The following PUM3 variants were observed in gnomAD, a reference collection of about 807,000 sequenced individuals.
The protein encoded by PUM3 is pumilio RNA binding family member 3.
PUM3 carries 91 observed loss-of-function variants against 84.0 expected under a neutral mutation model. The ratio of observed to expected loss-of-function variants is 1.08; its 90% CI spans 0.91 to 1.29. PUM3 has a LOEUF of 1.29. PUM3 is among the 50% of genes most tolerant of loss of function. The pLI, the probability that PUM3 is intolerant of heterozygous loss-of-function variation, is 0.00. For synonymous variants in PUM3, 321 were observed against 266.7 expected (o/e 1.20, Z -1.98); for missense variants, 1,067 against 767.5 (o/e 1.39, Z -4.61).
chr9:2,842,757 T>G (rs1313803536), intron 1 of PUM3, among the ~76,000 whole-genome samples: 1 of 152,188 alleles, frequency 6.6e-6, no homozygotes, highest in Non-Finnish European at 1.5e-5. Flanking sequence ...CCTCTAATTA[T>G]GTGTCTAACA....
At chr9:2,812,079 CA>C in intron 14 of PUM3, 140 bp downstream of exon 14, 1 of 763,272 alleles carries the variant, frequency 1.3e-6, no homozygotes, top group Non-Finnish European at 2.2e-6. Context: ...TAGAATCTGT[CA>C]AAAATATAGG....
intron 1 of PUM3, among the ~76,000 whole-genome samples, chr9:2,840,201 G>A (rs1816233829): frequency 6.6e-6 from 1 of 152,174 alleles, no homozygotes; most frequent in Non-Finnish European, 1.5e-5. Context: ...TGTTAACCGT[G>A]TTCACTTGGT....
intron 7 of PUM3, among the ~76,000 whole-genome samples, 164 bp downstream of exon 7, chr9:2,830,798 T>C (rs541717144): frequency 5.3e-5 from 8 of 152,316 alleles, no homozygotes; most frequent in South Asian, 2.1e-4. Flanking sequence ...ATTTCGATAA[T>C]TGTATTTAAG....
rs563094261 is a variant in PUM3 at position 2,831,294 on chromosome 9, A to C, written c.567T>G (p.Tyr189Ter). 3.1e-6 allele frequency: 5 copies of C among 1,610,936 alleles called. No homozygotes were observed. In the African/African-American group the frequency reaches 5.3e-5, roughly 17 times the overall value. The change falls in exon 6 of 18, where the codon TAT (tyrosine) becomes TAG (stop). Residue 189 changes from tyrosine to a stop codon, truncating the protein, a stop_gained. Coordinates refer to ENST00000397885, the MANE Select transcript of PUM3 (RefSeq NM_014878.5). LOFTEE classifies it high-confidence loss of function. ...STRVIQCYIQYGNEEQRKQAF... is the reference protein window; with the variant it reads ...STRVIQCYIQ ...CCTGTTTTCTCTGTTCTTCATTACC[A>C]TACTGAATGTAACACTGGATCACAC...
chr9:2,827,670 C>T (rs1242075475), intron 9 of PUM3, among the ~76,000 whole-genome samples: 1 of 152,174 alleles, frequency 6.6e-6, no homozygotes, highest in Non-Finnish European at 1.5e-5. Context: ...TCCAGGTGTA[C>T]AGTGGAGGCC....
chr9:2,839,741 G>A (rs1816218334), intron 1 of PUM3, among the ~76,000 whole-genome samples: 1 of 152,168 alleles, frequency 6.6e-6, no homozygotes, highest in Admixed American at 6.5e-5. Flanking sequence ...ACTTGGCTAT[G>A]GCCATCATAA....
intron 12 of PUM3, among the ~76,000 whole-genome samples, chr9:2,821,227 G>A (rs1333764234): frequency 4.6e-5 from 7 of 151,982 alleles, no homozygotes; most frequent in African/African-American, 7.2e-5. Flanking sequence ...GGTGGATCAC[G>A]AGGTCAGGAG....
chr9:2,836,572 A>G (rs937190253), intron 3 of PUM3, among the ~76,000 whole-genome samples: 2 of 152,186 alleles, frequency 1.3e-5, no homozygotes, highest in African/African-American at 4.8e-5. Context: ...ATCAATTAAA[A>G]TCAAATCTGT....
At chr9:2,809,378 C>A (rs1444580977) in intron 16 of PUM3, among the ~76,000 whole-genome samples, 1 of 152,190 alleles carries the variant, frequency 6.6e-6, no homozygotes, top group Admixed American at 6.5e-5. Flanking sequence ...ATAAACTCAA[C>A]TATACATCAA....
chr9:2,828,567 T>G (rs966746590), intron 9 of PUM3, 108 bp downstream of exon 9: 1 of 680,436 alleles, frequency 1.5e-6, no homozygotes, highest in Non-Finnish European at 2.6e-6. Context: ...TTAGAATAGA[T>G]TAATACTTGT....
At chr9:2,804,620 G>C (rs1297229872) in intron 17 of PUM3, among the ~76,000 whole-genome samples, 157 bp from the exon 18 acceptor site, 1 of 152,160 alleles carries the variant, frequency 6.6e-6, no homozygotes, top group African/African-American at 2.4e-5. Flanking sequence ...GAGACCAGTA[G>C]CCCATATTAT....
chr9:2,823,158 A>G (rs1302538212), intron 12 of PUM3, among the ~76,000 whole-genome samples: 2 of 152,074 alleles, frequency 1.3e-5, no homozygotes, highest in Non-Finnish European at 2.9e-5. Flanking sequence ...CCATAGCAAC[A>G]GCATGAAAAA....
chr9:2,819,118 G>A (rs1168537589), intron 13 of PUM3, among the ~76,000 whole-genome samples: 6 of 152,160 alleles, frequency 3.9e-5, no homozygotes, highest in Admixed American at 2.0e-4. Flanking sequence ...TTTTCCAGAC[G>A]TTTCCAAGTT....
chr9:2,837,697 T>C (rs1028264923), intron 2 of PUM3, among the ~76,000 whole-genome samples: 4 of 152,174 alleles, frequency 2.6e-5, no homozygotes, highest in Non-Finnish European at 5.9e-5. Flanking sequence ...TTCTCTAGTT[T>C]TAAGCATATA....
chr9:2,823,918 T>C lies in PUM3; in HGVS notation c.1135-84A>G. ...GTTAAACATTTTAATATAATATTTATTAAGTTTTCATTTGAGTGGCATATG... is the reference window on the plus strand; with the variant it reads ...GTTAAACATTTTAATATAATATTTACTAAGTTTTCATTTGAGTGGCATATG... On this transcript the variant is annotated intron_variant, in intron 11 of 17. Transcript: ENST00000397885. 2.9e-6 allele frequency: 2 copies of C among 679,118 alleles called. 1 individual carries two copies. The allele number at this position is 679,118 out of a possible 1,614,324, so 42.1% of individuals were successfully genotyped here.
At chr9:2,843,033 C>CAAT (rs1201000649) in intron 1 of PUM3, among the ~76,000 whole-genome samples, 2 of 152,202 alleles carry the variant, frequency 1.3e-5, no homozygotes, top group African/African-American at 4.8e-5. Flanking sequence ...ATTACCAATA[C>CAAT]AATCTCTTGA....
chr9:2,827,909 T>G (rs996794774), intron 9 of PUM3, among the ~76,000 whole-genome samples: 2 of 152,158 alleles, frequency 1.3e-5, no homozygotes, highest in African/African-American at 4.8e-5. Flanking sequence ...TAGTAATAGT[T>G]GGGGGAGTGG....
chr9:2,807,454 T>C (rs1189314243), intron 17 of PUM3, among the ~76,000 whole-genome samples: 1 of 150,462 alleles, frequency 6.6e-6, no homozygotes, highest in Non-Finnish European at 1.5e-5. Context: ...AAAATAAAAA[T>C]TAGTTGGGTG....
At chr9:2,808,345 C>T (rs1821302349) in intron 16 of PUM3, among the ~76,000 whole-genome samples, 1 of 152,190 alleles carries the variant, frequency 6.6e-6, no homozygotes, top group South Asian at 2.1e-4. Context: ...ACAGTGTTCA[C>T]GTGTTCAACA....
Sources: allele counts gnomAD v4.1 joint callset (sites outside exome capture counted in the v4.1 genomes callset), GRCh38; gene constraint gnomAD v4.1.1; transcripts MANE v1.5; gene names NCBI Gene and HGNC (gene_info 2026-07-23, HGNC 2026-07-21).